The following PCBD2 variants were observed in gnomAD, a reference collection of about 807,000 sequenced individuals.
The protein encoded by PCBD2 is pterin-4-alpha-carbinolamine dehydratase 2.
A neutral mutation model predicts 16.4 loss-of-function variants in PCBD2; 12 were observed. The observed-to-expected ratio is 0.73, with a 90% CI of 0.47 to 1.19. The LOEUF is 1.19. PCBD2 is among the 50% of genes most tolerant of loss of function. PCBD2 has a pLI of 0.00. For missense variants in PCBD2, 138 were observed against 156.8 expected (o/e 0.88, Z 0.64); for synonymous variants, 58 against 61.8 (o/e 0.94, Z 0.29).
At chr5:134,936,352 C>T in intron 2 of PCBD2, among the ~76,000 whole-genome samples, 1 of 152,174 alleles carries the variant, frequency 6.6e-6, no homozygotes, top group East Asian at 1.9e-4. Flanking sequence ...TCCTTCACTC[C>T]TTAATAGCTC....
chr5:134,921,233 A>G (rs776288002), intron 2 of PCBD2, among the ~76,000 whole-genome samples: 15 of 152,158 alleles, frequency 9.9e-5, no homozygotes, highest in Non-Finnish European at 1.8e-4. Context: ...AAGATCTCCT[A>G]GTTTTGCTGG....
At chr5:134,930,391 G>A (rs886269711) in intron 2 of PCBD2, among the ~76,000 whole-genome samples, 8 of 151,964 alleles carry the variant, frequency 5.3e-5, no homozygotes, top group Admixed American at 5.2e-4. Context: ...GTTCCCTGTA[G>A]GATACATACA....
At chr5:134,923,635 A>G (rs889400386) in intron 2 of PCBD2, 3 of 369,612 alleles carry the variant, frequency 8.1e-6, no homozygotes, top group Non-Finnish European at 1.4e-5. Context: ...CCTCAGAAGG[A>G]TATTTGGCCT....
At chr5:134,919,587 A>G (rs1011958613) in intron 2 of PCBD2, among the ~76,000 whole-genome samples, 3 of 152,230 alleles carry the variant, frequency 2.0e-5, no homozygotes, top group African/African-American at 7.2e-5. Flanking sequence ...AGTGGTCACA[A>G]ATGGGTTGCT....
At chr5:134,947,502 C>T (rs1751309650) in intron 2 of PCBD2, among the ~76,000 whole-genome samples, 2 of 151,526 alleles carry the variant, frequency 1.3e-5, no homozygotes, top group Admixed American at 6.6e-5. Context: ...ATTCTCCTGC[C>T]TCAGCCTCCC....
chr5:134,925,189 G>A (rs1224145680), intron 2 of PCBD2: 1 of 398,346 alleles, frequency 2.5e-6, no homozygotes, highest in Non-Finnish European at 4.4e-6. Flanking sequence ...AATTATTCGA[G>A]TGCTATAGGC....
intron 2 of PCBD2, among the ~76,000 whole-genome samples, chr5:134,942,025 G>A (rs952823720): frequency 6.6e-6 from 1 of 151,458 alleles, no homozygotes; most frequent in Non-Finnish European, 1.5e-5. Flanking sequence ...AGCTACTTGG[G>A]GGGGCTGAGG....
At chr5:134,941,118 G>GAAAAAAAAAAAAAAAAAAAAAAAAAAAA (rs764468793) in intron 2 of PCBD2, among the ~76,000 whole-genome samples, 1 of 80,212 alleles carries the variant, frequency 1.2e-5, no homozygotes, top group African/African-American at 4.9e-5. Context: ...CCATCTCAAG[G>GAAAAAAAAAAAAAAAAAAAAAAAAAAAA]AAAAAAAAAA....
chr5:134,934,358 T>C (rs1311420503), intron 2 of PCBD2, among the ~76,000 whole-genome samples: 1 of 152,188 alleles, frequency 6.6e-6, no homozygotes, highest in Non-Finnish European at 1.5e-5. Flanking sequence ...ACCAGTAATG[T>C]TGGGCAGGTG....
rs1224830635 is a variant in PCBD2 at position 134,960,742 on chromosome 5, A to C, written c.*61A>C. On this transcript the variant is annotated 3_prime_UTR_variant, in exon 4 of 4. Transcript: ENST00000254908. ...CTTAGCTGCAATGTATGTTGAAGGA[A>C]ATTTATGTGAACAAATAGAGTTGTT... is the stretch of plus-strand genomic sequence containing the variant. 1.6e-6 allele frequency: 2 copies of C among 1,278,062 alleles called. No homozygotes were observed. Among genetic ancestry groups the C allele is most frequent in the East Asian group, 4.6e-5 (2 of 43,036 alleles). 79.2% of individuals were successfully genotyped at this position (1,278,062 alleles called of 1,614,324 possible). A position where few individuals can be genotyped will look rare whatever the true frequency, so the allele number is the denominator to read the frequency against.
chr5:134,951,293 AT>A (rs540777527), intron 2 of PCBD2, among the ~76,000 whole-genome samples: 2 of 151,862 alleles, frequency 1.3e-5, no homozygotes, highest in East Asian at 1.9e-4. Flanking sequence ...TTATGCATAT[AT>A]TTTTTTTCAT....
intron 3 of PCBD2, among the ~76,000 whole-genome samples, chr5:134,959,554 T>G (rs1358469598): frequency 1.3e-5 from 2 of 152,184 alleles, no homozygotes; most frequent in Non-Finnish European, 2.9e-5. Context: ...TGACCTTATT[T>G]AAGACAAAGG....
chr5:134,943,937 C>G (rs893334716), intron 2 of PCBD2, among the ~76,000 whole-genome samples: 1 of 152,130 alleles, frequency 6.6e-6, no homozygotes, highest in Non-Finnish European at 1.5e-5. Flanking sequence ...TTGGCAAGAC[C>G]TACTAGAACA....
intron 2 of PCBD2, among the ~76,000 whole-genome samples, chr5:134,936,373 AC>A (rs1418009395): frequency 6.6e-6 from 1 of 152,126 alleles, no homozygotes; most frequent in African/African-American, 2.4e-5. Flanking sequence ...TCTGTGGTTA[AC>A]CTTTCTGTCC....
At chr5:134,947,116 G>A (rs1169607632) in intron 2 of PCBD2, among the ~76,000 whole-genome samples, 1 of 151,344 alleles carries the variant, frequency 6.6e-6, no homozygotes, top group Non-Finnish European at 1.5e-5. Flanking sequence ...TTTTGAGATG[G>A]AGTTTTGCTC....
chr5:134,915,232 T>C (rs57158954), intron 2 of PCBD2, among the ~76,000 whole-genome samples: 1 of 151,796 alleles, frequency 6.6e-6, no homozygotes. Context: ...GGAGAATCGC[T>C]TGAACCTGGG....
intron 2 of PCBD2, among the ~76,000 whole-genome samples, chr5:134,920,430 C>G (rs925227877): frequency 6.6e-6 from 1 of 152,192 alleles, no homozygotes; most frequent in Non-Finnish European, 1.5e-5. Flanking sequence ...GGACTACTTG[C>G]TGGATTAGTT....
intron 2 of PCBD2, among the ~76,000 whole-genome samples, chr5:134,922,748 C>T (rs1303342273): frequency 6.6e-6 from 1 of 151,490 alleles, no homozygotes; most frequent in Admixed American, 6.6e-5. Context: ...CTGCAAGCTC[C>T]GCCTCCTGGG....
chr5:134,923,845 T>TA, intron 2 of PCBD2: 1 of 394,042 alleles, frequency 2.5e-6, no homozygotes, highest in Non-Finnish European at 4.5e-6. Flanking sequence ...TCTCGGGTGA[T>TA]ATGGGCGATC....
Sources: allele counts gnomAD v4.1 joint callset (sites outside exome capture counted in the v4.1 genomes callset), GRCh38; gene constraint gnomAD v4.1.1; transcripts MANE v1.5; gene names NCBI Gene and HGNC (gene_info 2026-07-23, HGNC 2026-07-21).